Variants in DYNC1I1 observed in about 807,000 individuals in gnomAD.
The protein encoded by DYNC1I1 is dynein cytoplasmic 1 intermediate chain 1.
In DYNC1I1, 43 loss-of-function variants were observed where a neutral mutation model predicts 86.6. The ratio of observed to expected loss-of-function variants is 0.50; its 90% CI spans 0.39 to 0.64. DYNC1I1 has a LOEUF of 0.64. Ranked by LOEUF, DYNC1I1 falls within the 30% of genes least tolerant of loss-of-function variation. The probability of loss-of-function intolerance (pLI) is 0.00; values close to 1 mark genes in which losing one functional copy is unlikely to be tolerated. For synonymous variants in DYNC1I1, 262 were observed against 283.7 expected, an observed-to-expected ratio of 0.92 and a Z score of 0.77; for missense variants, 604 against 788.8, an observed-to-expected ratio of 0.77 and a Z score of 2.81.
intron 10 of DYNC1I1, among the ~76,000 whole-genome samples, chr7:96,026,505 T>A (rs1440966520): frequency 6.6e-6 from 1 of 152,154 alleles, no homozygotes; most frequent in Admixed American, 6.6e-5. Context: ...GCTCCAAAAG[T>A]TGTGATTTCT....
intron 16 of DYNC1I1, among the ~76,000 whole-genome samples, chr7:96,093,114 CTG>C (rs1487702100): frequency 6.6e-6 from 1 of 152,270 alleles, no homozygotes; most frequent in East Asian, 1.9e-4. Context: ...CAGAAAAATA[CTG>C]TAAAATTGGT....
chr7:95,940,801 T>G (rs937624725), intron 6 of DYNC1I1, among the ~76,000 whole-genome samples: 1 of 152,246 alleles, frequency 6.6e-6, no homozygotes, highest in African/African-American at 2.4e-5. Context: ...TCTCAACTTG[T>G]CAAAGTCATT....
chr7:95,866,420 T>C (rs1790019478), intron 5 of DYNC1I1, among the ~76,000 whole-genome samples: 1 of 152,168 alleles, frequency 6.6e-6, no homozygotes, highest in South Asian at 2.1e-4. Context: ...GGTTTTTAAG[T>C]ATAGTTTCAA....
At chr7:96,016,707 G>T (rs1218631240) in intron 10 of DYNC1I1, among the ~76,000 whole-genome samples, 1 of 152,108 alleles carries the variant, frequency 6.6e-6, no homozygotes, top group African/African-American at 2.4e-5. Context: ...GCCCAGGAAG[G>T]GAACACAGAT....
chr7:96,082,697 T>A, intron 16 of DYNC1I1, among the ~76,000 whole-genome samples: 1 of 152,190 alleles, frequency 6.6e-6, no homozygotes, highest in East Asian at 1.9e-4. Flanking sequence ...CAATATGACA[T>A]ATATACAGAA....
chr7:95,836,896 CT>C (rs1789109903), intron 5 of DYNC1I1, among the ~76,000 whole-genome samples: 1 of 151,176 alleles, frequency 6.6e-6, no homozygotes, highest in South Asian at 2.1e-4. Context: ...TTTTCAACTT[CT>C]TTGCCTTTGG....
chr7:96,077,615 T>C lies in DYNC1I1; in HGVS notation c.1650+1418T>C, dbSNP rs181529740. On this transcript the variant is annotated intron_variant, in intron 15 of 16. Transcript: ENST00000447467. ...TTTATTAAAATCATATTGCTTCTATTTGCTAGGAGAAATTCATTCATTTAA... is the reference window on the plus strand; with the variant it reads ...TTTATTAAAATCATATTGCTTCTATCTGCTAGGAGAAATTCATTCATTTAA... Among the ~76,000 whole-genome samples the C allele has an allele frequency of 1.1e-4, 16 of 152,290 alleles. No homozygotes were observed. The East Asian group carries it at 1.2e-3, about 11-fold the overall frequency.
chr7:96,079,597 T>A (rs954748770), intron 15 of DYNC1I1, among the ~76,000 whole-genome samples: 2 of 152,166 alleles, frequency 1.3e-5, no homozygotes, highest in African/African-American at 4.8e-5. Flanking sequence ...TTATTATTGT[T>A]ATAATTATCA....
rs1424870362 is a variant in DYNC1I1, at chr7:95,837,254, G to T, written c.374+9138G>T. 8.6e-5 allele frequency among the ~76,000 whole-genome samples: 13 copies of T among 151,596 alleles called. No individual in the cohort carries two copies. In the East Asian group the frequency reaches 1.4e-3, roughly 17 times the overall value. On this transcript the variant is annotated intron_variant, in intron 5 of 16. Transcript: ENST00000447467. ...GTGAGGTGTCAGTGTGCCCCTGCTG[G>T]GGGGTGCCTCCCAGTTAGGCTGCTC...
intron 1 of DYNC1I1, among the ~76,000 whole-genome samples, chr7:95,801,836 T>G (rs557722847): frequency 6.6e-6 from 1 of 152,290 alleles, no homozygotes; most frequent in Admixed American, 6.5e-5. Context: ...AAACTTCACT[T>G]TTGTGAAGTT....
intron 6 of DYNC1I1, among the ~76,000 whole-genome samples, chr7:95,915,872 C>T (rs2116358820): frequency 6.6e-6 from 1 of 152,250 alleles, no homozygotes; most frequent in East Asian, 1.9e-4. Flanking sequence ...ATAGGGTTTC[C>T]CATTGCAGCT....
chr7:96,110,037 G>A, exon 17 of DYNC1I1: 2 of 431,142 alleles, frequency 4.6e-6, no homozygotes, highest in South Asian at 1.7e-5. Context: ...ATCCTCCTAT[G>A]TTGGCCTCCC....
At chr7:96,060,965 A>G (rs189332663) in intron 14 of DYNC1I1, among the ~76,000 whole-genome samples, 8 of 152,362 alleles carry the variant, frequency 5.3e-5, no homozygotes, top group Non-Finnish European at 1.0e-4. Flanking sequence ...CTGAGGCTGG[A>G]GAAAATGAGA....
intron 6 of DYNC1I1, among the ~76,000 whole-genome samples, chr7:95,945,360 C>T (rs1269776739): frequency 6.6e-6 from 1 of 152,042 alleles, no homozygotes; most frequent in Admixed American, 6.6e-5. Context: ...TAAAACATTT[C>T]CACTAAATTT....
chr7:95,961,699 G>A (rs1792874363), intron 6 of DYNC1I1, among the ~76,000 whole-genome samples: 1 of 152,190 alleles, frequency 6.6e-6, no homozygotes, highest in African/African-American at 2.4e-5. Flanking sequence ...ACACGAATCT[G>A]GTTCTGTTTC....
At chr7:96,086,519 A>G (rs1486241741) in intron 16 of DYNC1I1, among the ~76,000 whole-genome samples, 4 of 152,218 alleles carry the variant, frequency 2.6e-5, no homozygotes, top group African/African-American at 9.6e-5. Flanking sequence ...TTGGTATCCT[A>G]TTCACTAGTT....
intron 9 of DYNC1I1, among the ~76,000 whole-genome samples, chr7:95,988,385 T>G (rs1422522898): frequency 1.3e-5 from 2 of 152,044 alleles, no homozygotes; most frequent in Admixed American, 1.3e-4. Flanking sequence ...AAACCTGATC[T>G]CTTCATTCCC....
At chr7:95,837,317 C>T (rs1483205066) in intron 5 of DYNC1I1, among the ~76,000 whole-genome samples, 1 of 152,108 alleles carries the variant, frequency 6.6e-6, no homozygotes, top group Non-Finnish European at 1.5e-5. Flanking sequence ...AGGAGGCAGT[C>T]TGCCCGTTCT....
intron 4 of DYNC1I1, among the ~76,000 whole-genome samples, chr7:95,814,281 TGTTCCAAGTA>T (rs1302793099): frequency 1.3e-5 from 2 of 152,320 alleles, no homozygotes; most frequent in Non-Finnish European, 2.9e-5. Flanking sequence ...TAATGACTTT[TGTTCCAAGTA>T]GTTATGGGCC....
Sources: gnomAD v4.1 joint callset for allele counts (sites outside exome capture counted in the v4.1 genomes callset) on GRCh38, gnomAD v4.1.1 for gene constraint, MANE v1.5 for transcripts, NCBI Gene and HGNC (gene_info 2026-07-23, HGNC 2026-07-21) for gene names.